Variants in MED7 observed in about 807,000 individuals in gnomAD.
The protein encoded by MED7 is mediator of RNA polymerase II transcription subunit 7.
Under a neutral mutation model 16.6 loss-of-function variants are expected in MED7, and 7 were observed. The ratio of observed to expected loss-of-function variants is 0.42; its 90% CI spans 0.24 to 0.79. MED7 has a LOEUF of 0.79. MED7 is among the 30% of genes least tolerant of loss of function. The probability of loss-of-function intolerance (pLI) is 0.27; values close to 1 mark genes in which losing one functional copy is unlikely to be tolerated. For synonymous variants in MED7, 88 were observed against 90.5 expected, an observed-to-expected ratio of 0.97 and a Z score of 0.16; for missense variants, 240 against 286.3, an observed-to-expected ratio of 0.84 and a Z score of 1.17.
In MED7 at chr5:157,139,417, C is replaced by T; in HGVS notation, c.15G>A (p.Gln5=). 1 of 1,578,624 alleles carries T rather than the reference C, an allele frequency of 6.3e-7. No individual in the cohort carries two copies. Among genetic ancestry groups the T allele is most frequent in the Non-Finnish European group, 8.6e-7 (1 of 1,164,224 alleles). The change falls in exon 2 of 2, where the codon CAG becomes CAA. Residue 5 remains glutamine, a synonymous_variant. Coordinates refer to ENST00000286317, the MANE Select transcript of MED7 (RefSeq NM_004270.5). ...GAGGTGGTGGAAGTGCACTCACTTG[C>T]TGTGGTTCACCCATTGTGGACTATC... The part of the protein sequence containing the change: MGEP[Q]QVSALPPPPM...
chr5:157,142,837 A>C lies in MED7; in HGVS notation c.-35T>G, dbSNP rs1183187090. 6.6e-6 allele frequency: 1 copy of C among 152,270 alleles called. No individual in the cohort carries two copies. The highest frequency in any genetic ancestry group is 6.5e-5 in the Admixed American group (1 of 15,274). The allele number at this position is 152,270 out of a possible 1,614,324, so 9.4% of individuals were successfully genotyped here. The stretch of plus-strand genomic sequence containing the variant: ...CCACTTACCTCAGCTCTGGCTTTAC[A>C]CTGGTAGCCGCCTTCCCCTCTGCAG... On this transcript the variant is annotated 5_prime_UTR_variant, in exon 1 of 2. Transcript: ENST00000286317.
At position 157,138,964 on chromosome 5, in the gene MED7, G is replaced by A. The variant is rs6896186; in HGVS notation, c.468C>T (p.His156=). Residue 156 remains histidine (H), a synonymous_variant, in exon 2 of 2, where the codon CAC becomes CAT. Transcript: ENST00000286317. The part of the protein sequence containing the change: ...RLETAERFQK[H]LERVIEMIQN... ...GAATCATTTCAATTACTCGTTCCAG[G>A]TGCTTTTGAAATCTCTCAGCTGTTT... 5.6e-4 allele frequency: 905 copies of A among 1,614,108 alleles called. 1 individual carries two copies. The African/African-American group carries it at 0.011, about 20-fold the overall frequency.
intron 1 of MED7, among the ~76,000 whole-genome samples, chr5:157,141,811 G>T (rs1263735832): frequency 6.6e-6 from 1 of 151,688 alleles, no homozygotes; most frequent in Non-Finnish European, 1.5e-5. Context: ...GGCTGGTCTG[G>T]AACTCCTGAC....
intron 1 of MED7, among the ~76,000 whole-genome samples, chr5:157,141,909 T>A (rs1181296797): frequency 6.6e-6 from 1 of 152,112 alleles, no homozygotes; most frequent in Non-Finnish European, 1.5e-5. Flanking sequence ...AGTTCTATTA[T>A]CAATTTCATT....
In MED7 at chr5:157,138,164, C is replaced by CT. The variant is rs2113710606; in HGVS notation, c.*565dup. The CT allele has an allele frequency of 6.6e-6, 1 of 152,306 alleles. No homozygotes were observed. The highest frequency in any genetic ancestry group is 2.1e-4 in the South Asian group (1 of 4,828). 9.4% of individuals were successfully genotyped at this position (152,306 alleles called of 1,614,324 possible). On this transcript the variant is annotated 3_prime_UTR_variant, in exon 2 of 2. Coordinates refer to ENST00000286317, the MANE Select transcript of MED7 (RefSeq NM_004270.5). ...GAAAAAAAAACAACAATTTATGGGACTTCCCTGCAAGAGTCCATTCAGGAT... is the reference window on the plus strand; with the variant it reads ...GAAAAAAAAACAACAATTTATGGGACTTTCCCTGCAAGAGTCCATTCAGGAT...
rs1458903918 is a variant in MED7 at position 157,138,019 on chromosome 5, C to T, written c.*711G>A. ...CATCAAACCCCTTTCCCATTGTGGACTTAAACAAGTCTGAGCTTAGCTTTA... is the reference window on the plus strand; with the variant it reads ...CATCAAACCCCTTTCCCATTGTGGATTTAAACAAGTCTGAGCTTAGCTTTA... On this transcript the variant is annotated 3_prime_UTR_variant, in exon 2 of 2. Transcript: ENST00000286317. 6.6e-6 allele frequency: 1 copy of T among 152,188 alleles called. No individual in the cohort carries two copies. Among genetic ancestry groups the T allele is most frequent in the African/African-American group, 2.4e-5 (1 of 41,448 alleles). The allele number at this position is 152,188 out of a possible 1,614,324, so 9.4% of individuals were successfully genotyped here.
chr5:157,138,124 T>C lies in MED7; in HGVS notation c.*606A>G, dbSNP rs969560477. 6.6e-6 allele frequency: 1 copy of C among 152,140 alleles called. No individual in the cohort carries two copies. Among genetic ancestry groups the C allele is most frequent in the African/African-American group, 2.4e-5 (1 of 41,358 alleles). The allele number at this position is 152,140 out of a possible 1,614,324, so 9.4% of individuals were successfully genotyped here. A position where few individuals can be genotyped will look rare whatever the true frequency, so the allele number is the denominator to read the frequency against. ...TAACTTAAAGTGACCAAAGGACTTA[T>C]TACCTGAGTGACTGGAAAAAAAAAC... On this transcript the variant is annotated 3_prime_UTR_variant, in exon 2 of 2. Coordinates refer to ENST00000286317, the MANE Select transcript of MED7 (RefSeq NM_004270.5).
Position 157,138,411 on chromosome 5 carries a change from C to T in MED7, c.*319G>A, listed in dbSNP as rs1241442159. The T allele has an allele frequency of 4.4e-6, 1 of 229,210 alleles. No homozygotes were observed. The highest frequency in any genetic ancestry group is 9.5e-5 in the East Asian group (1 of 10,540). 14.2% of individuals were successfully genotyped at this position (229,210 alleles called of 1,614,324 possible). On this transcript the variant is annotated 3_prime_UTR_variant, in exon 2 of 2. Coordinates refer to ENST00000286317, the MANE Select transcript of MED7 (RefSeq NM_004270.5). ...CATTCTTAAAGCAAATGCTAAATCC[C>T]CTTTTCAAAGACGAAAACTTTGCTA... is the stretch of plus-strand genomic sequence containing the variant.
Position 157,139,128 on chromosome 5 carries a change from T to C in MED7, c.304A>G (p.Ser102Gly). Residue 102 changes from serine (S) to glycine (G), a missense_variant, in exon 2 of 2, where the codon AGT becomes GGT. Coordinates refer to ENST00000286317, the MANE Select transcript of MED7 (RefSeq NM_004270.5). The part of the protein sequence containing the change: ...LLDILIRSPG[S>G]IKREEKLEDL... ...TCTAGTTTCTCTTCTCGTTTTATAC[T>C]CCCAGGGCTCCTTATTAAAATATCT... The C allele has an allele frequency of 6.2e-7, 1 of 1,613,832 alleles. No homozygotes were observed. The highest frequency in any genetic ancestry group is 8.5e-7 in the Non-Finnish European group (1 of 1,179,864).
Position 157,139,263 on chromosome 5 carries a change from G to A in MED7, c.169C>T (p.Arg57Cys), listed in dbSNP as rs1312386430. Residue 57 changes from arginine (R) to cysteine (C), a missense_variant, in exon 2 of 2, where the codon CGC (arginine) becomes TGC (cysteine). Transcript: ENST00000286317. ...TCGATGCCCTGACTTTCCAAAGGGC[G>A]GATGATAAGATCATCACATTGGAAC... is the stretch of plus-strand genomic sequence containing the variant. ...NQFQCDDLII[R>C]PLESQGIERL... 42 of 1,613,966 alleles carry A rather than the reference G, an allele frequency of 2.6e-5. No homozygotes were observed. Among genetic ancestry groups the A allele is most frequent in the Non-Finnish European group, 3.2e-5 (38 of 1,180,022 alleles).
Position 157,139,281 on chromosome 5 carries a change from A to G in MED7, c.151T>C (p.Cys51Arg), listed in dbSNP as rs1448606064. The G allele has an allele frequency of 6.2e-7, 1 of 1,614,208 alleles. No individual in the cohort carries two copies. The highest frequency in any genetic ancestry group is 8.5e-7 in the Non-Finnish European group (1 of 1,180,034). Reference protein sequence around the residue: ...SYMMFGNQFQCDDLIIRPLES... With the variant: ...SYMMFGNQFQRDDLIIRPLES... ...AAAGGGCGGATGATAAGATCATCAC[A>G]TTGGAACTGATTGCCAAACATCATG... The change falls in exon 2 of 2, where the codon TGT becomes CGT. Residue 51 changes from cysteine (C) to arginine (R), a missense_variant. Transcript: ENST00000286317.
intron 1 of MED7, among the ~76,000 whole-genome samples, chr5:157,140,724 T>C (rs1757710337): frequency 6.6e-6 from 1 of 152,036 alleles, no homozygotes; most frequent in South Asian, 2.1e-4. Context: ...GTATATTTTG[T>C]AGAGACAGAG....
chr5:157,140,096 A>G (rs1343037914), intron 1 of MED7, among the ~76,000 whole-genome samples: 1 of 152,054 alleles, frequency 6.6e-6, no homozygotes, highest in Non-Finnish European at 1.5e-5. Flanking sequence ...GCTCACTGCA[A>G]CCTCCGCCTC....
In MED7 at chr5:157,138,791, T is replaced by C; in HGVS notation, c.641A>G (p.Gln214Arg). ...QRENSGHRRDQIIEKDAALCV... is the reference protein window; with the variant it reads ...QRENSGHRRDRIIEKDAALCV... ...CAAGGCAGCATCTTTCTCTATAATCTGATCTCTCCTATGACCTGAATTTTC... is the reference window on the plus strand; with the variant it reads ...CAAGGCAGCATCTTTCTCTATAATCCGATCTCTCCTATGACCTGAATTTTC... Residue 214 changes from glutamine (Q) to arginine (R), a missense_variant, in exon 2 of 2, where the codon CAG becomes CGG. Physicochemically the swap from Gln to Arg is conservative, Grantham distance 43. Transcript: ENST00000286317. 6.2e-7 allele frequency: 1 copy of C among 1,614,060 alleles called. No individual in the cohort carries two copies. Among genetic ancestry groups the C allele is most frequent in the Non-Finnish European group, 8.5e-7 (1 of 1,180,002 alleles).
Position 157,138,848 on chromosome 5 carries a change from T to G in MED7, c.584A>C (p.Asn195Thr), listed in dbSNP as rs543805235. The change falls in exon 2 of 2, where the codon AAC becomes ACC. Residue 195 changes from asparagine (N) to threonine (T), a missense_variant. Coordinates refer to ENST00000286317, the MANE Select transcript of MED7 (RefSeq NM_004270.5). ...ATGTTCATTCTGTCCAGTACAATTGTTGCTATCATCAGCATCCATTGGTTC... is the reference window on the plus strand; with the variant it reads ...ATGTTCATTCTGTCCAGTACAATTGGTGCTATCATCAGCATCCATTGGTTC... ...KTEPMDADDS[N>T]NCTGQNEHQR... 281 of 1,614,164 alleles carry G rather than the reference T, an allele frequency of 1.7e-4. No individual in the cohort carries two copies. In the South Asian group the frequency reaches 2.9e-3, roughly 17 times the overall value.
chr5:157,140,942 T>G (rs2113712545), intron 1 of MED7, among the ~76,000 whole-genome samples: 1 of 152,384 alleles, frequency 6.6e-6, no homozygotes, highest in East Asian at 1.9e-4. Context: ...TGTTAACATT[T>G]TCCTTCATTT....
chr5:157,139,203 C>T lies in MED7; in HGVS notation c.229G>A (p.Glu77Lys). ...LHPMQFDHKK[E>K]LRKLNMSILI... ...ATAGACATATTAAGTTTTCTCAGTT[C>T]TTTCTTGTGATCAAACTGCATAGGA... The change falls in exon 2 of 2, where the codon GAA becomes AAA. Residue 77 changes from glutamate (E) to lysine (K), a missense_variant. By Grantham distance (56) the Glu-to-Lys change is moderately conservative. Transcript: ENST00000286317. 2 of 1,612,158 alleles carry T rather than the reference C, an allele frequency of 1.2e-6. No homozygotes were observed. Among genetic ancestry groups the T allele is most frequent in the Non-Finnish European group, 1.7e-6 (2 of 1,179,602 alleles).
chr5:157,137,472 G>C lies in MED7; in HGVS notation c.*1258C>G, dbSNP rs918778298. The C allele has an allele frequency of 6.6e-6, 1 of 152,130 alleles. No homozygotes were observed. The highest frequency in any genetic ancestry group is 2.4e-5 in the African/African-American group (1 of 41,414). The allele number at this position is 152,130 out of a possible 1,614,324, so 9.4% of individuals were successfully genotyped here. On this transcript the variant is annotated 3_prime_UTR_variant, in exon 2 of 2. Coordinates refer to ENST00000286317, the MANE Select transcript of MED7 (RefSeq NM_004270.5). ...GATTATACTAAAACTTTTATTTCTAGTAAGTCCCCAAGTGATACCAATGCT... is the reference window on the plus strand; with the variant it reads ...GATTATACTAAAACTTTTATTTCTACTAAGTCCCCAAGTGATACCAATGCT...
At position 157,138,883 on chromosome 5, in the gene MED7, T is replaced by C; in HGVS notation, c.549A>G (p.Arg183=). 1 of 1,614,186 alleles carries C rather than the reference T, an allele frequency of 6.2e-7. No homozygotes were observed. The highest frequency in any genetic ancestry group is 8.5e-7 in the Non-Finnish European group (1 of 1,180,032). ...CAGCATCCATTGGTTCAGTTTTTACTCTCATTCCTGCTTCTGAATGAGGCA... is the reference window on the plus strand; with the variant it reads ...CAGCATCCATTGGTTCAGTTTTTACCCTCATTCCTGCTTCTGAATGAGGCA... ...DDLPHSEAGM[R]VKTEPMDADD... The change falls in exon 2 of 2, where the codon AGA becomes AGG. Residue 183 remains arginine, a synonymous_variant. Coordinates refer to ENST00000286317, the MANE Select transcript of MED7 (RefSeq NM_004270.5).
Sources: gnomAD v4.1 joint callset for allele counts (sites outside exome capture counted in the v4.1 genomes callset) on GRCh38, gnomAD v4.1.1 for gene constraint, MANE v1.5 for transcripts, NCBI Gene and HGNC (gene_info 2026-07-23, HGNC 2026-07-21) for gene names.